RBFOX1: variants seen among roughly 807,000 people sequenced by gnomAD.
The protein encoded by RBFOX1 is RNA binding protein fox-1 homolog 1.
In RBFOX1, 8 loss-of-function variants were observed where a neutral mutation model predicts 57.7. That is an observed-to-expected ratio of 0.14 (90% CI 0.08 to 0.25). The LOEUF (loss-of-function observed/expected upper bound fraction) is 0.25, where lower values mean the gene tolerates loss of function less well. RBFOX1 is among the 10% of genes least tolerant of loss of function. The probability of loss-of-function intolerance (pLI) is 1.00; values close to 1 mark genes in which losing one functional copy is unlikely to be tolerated. For synonymous variants in RBFOX1, 326 were observed against 222.4 expected, an observed-to-expected ratio of 1.47 and a Z score of -4.15; for missense variants, 611 against 548.5, an observed-to-expected ratio of 1.11 and a Z score of -1.14.
At chr16:5,803,542 C>T (rs1026318630) in intron 3 of RBFOX1, among the ~76,000 whole-genome samples, 3 of 152,076 alleles carry the variant, frequency 2.0e-5, no homozygotes, top group Non-Finnish European at 4.4e-5. Flanking sequence ...AAATCATGAC[C>T]GTGAAGCATA....
At chr16:6,412,161 CA>C (rs199982534) in intron 2 of RBFOX1, among the ~76,000 whole-genome samples, 31 of 139,312 alleles carry the variant, frequency 2.2e-4, no homozygotes, top group East Asian at 1.3e-3. Context: ...AACAAAAAAA[CA>C]AAAAAAAACA....
At chr16:6,832,600 G>T (rs878933591) in intron 3 of RBFOX1, among the ~76,000 whole-genome samples, 3 of 152,320 alleles carry the variant, frequency 2.0e-5, no homozygotes, top group African/African-American at 4.8e-5. Flanking sequence ...GGAAAGTGAA[G>T]GTTTCTAAGT....
At chr16:6,962,267 A>G (rs138534479) in intron 3 of RBFOX1, among the ~76,000 whole-genome samples, 96 of 152,174 alleles carry the variant, frequency 6.3e-4, no homozygotes, top group African/African-American at 2.1e-3. Context: ...TTTCTCTTAC[A>G]AAAAGACTAG....
At chr16:5,996,379 G>C (rs1193357802) in intron 4 of RBFOX1, among the ~76,000 whole-genome samples, 1 of 152,050 alleles carries the variant, frequency 6.6e-6, no homozygotes, top group Non-Finnish European at 1.5e-5. Context: ...GACAAGCATT[G>C]GGTTCCCCTT....
chr16:6,447,104 C>T (rs1959814670), intron 2 of RBFOX1, among the ~76,000 whole-genome samples: 1 of 152,168 alleles, frequency 6.6e-6, no homozygotes. Flanking sequence ...CACCAGATTG[C>T]GAACTGTTAA....
intron 4 of RBFOX1, among the ~76,000 whole-genome samples, chr16:7,183,706 A>C (rs992321205): frequency 6.6e-6 from 1 of 152,204 alleles, no homozygotes; most frequent in Non-Finnish European, 1.5e-5. Flanking sequence ...GAGTTGACTC[A>C]CACTGAACAC....
intron 10 of RBFOX1, among the ~76,000 whole-genome samples, chr16:7,612,885 G>A (rs929552620): frequency 7.2e-5 from 11 of 152,092 alleles, no homozygotes; most frequent in South Asian, 2.1e-4. Flanking sequence ...TTCCATCAGC[G>A]GGACTATAAG....
At chr16:6,713,290 C>T (rs966863019) in intron 3 of RBFOX1, among the ~76,000 whole-genome samples, 103 of 151,858 alleles carry the variant, frequency 6.8e-4, no homozygotes, top group African/African-American at 2.4e-3. Flanking sequence ...GTAATAATAA[C>T]AGTCCCCCAT....
At chr16:7,578,685 A>G (rs558351252) in intron 5 of RBFOX1, among the ~76,000 whole-genome samples, 12 of 152,358 alleles carry the variant, frequency 7.9e-5, no homozygotes, top group African/African-American at 2.2e-4. Flanking sequence ...TAAATTTGAT[A>G]GGCTTCTGTG....
intron 4 of RBFOX1, among the ~76,000 whole-genome samples, chr16:5,975,072 C>G (rs985166405): frequency 6.6e-6 from 1 of 152,104 alleles, no homozygotes; most frequent in African/African-American, 2.4e-5. Context: ...AAAAGTTGGC[C>G]TCTTTTTTTA....
At chr16:6,805,057 A>G (rs1279018434) in intron 3 of RBFOX1, among the ~76,000 whole-genome samples, 1 of 152,176 alleles carries the variant, frequency 6.6e-6, no homozygotes, top group Middle Eastern at 3.2e-3. Context: ...ATGCAGAGGA[A>G]TATAAATTAT....
chr16:6,183,013 A>T (rs1202844843), intron 1 of RBFOX1, among the ~76,000 whole-genome samples: 1 of 152,116 alleles, frequency 6.6e-6, no homozygotes, highest in South Asian at 2.1e-4. Context: ...TAATTCACTG[A>T]CAAATGTTTT....
chr16:5,468,386 T>C (rs1030000974), intron 2 of RBFOX1, among the ~76,000 whole-genome samples: 6 of 152,192 alleles, frequency 3.9e-5, no homozygotes, highest in African/African-American at 1.4e-4. Flanking sequence ...GACACCAGTC[T>C]GCATTCTGTC....
chr16:6,683,019 C>T (rs1319032631), intron 3 of RBFOX1, among the ~76,000 whole-genome samples: 1 of 152,042 alleles, frequency 6.6e-6, no homozygotes, highest in African/African-American at 2.4e-5. Flanking sequence ...GTGAGGACAG[C>T]TTCTCCATCC....
chr16:6,418,598 A>G (rs1049644099), intron 2 of RBFOX1, among the ~76,000 whole-genome samples: 1 of 140,456 alleles, frequency 7.1e-6, no homozygotes, highest in African/African-American at 2.8e-5. Flanking sequence ...ATTATAGGTC[A>G]TTGCAGCCTC....
intron 4 of RBFOX1, among the ~76,000 whole-genome samples, chr16:7,419,465 G>C (rs1044609604): frequency 1.3e-5 from 2 of 152,218 alleles, no homozygotes; most frequent in South Asian, 2.1e-4. Context: ...GCACCTTTGA[G>C]GGGGCAGATT....
chr16:5,643,132 G>A (rs1198766284), intron 3 of RBFOX1, among the ~76,000 whole-genome samples: 1 of 152,152 alleles, frequency 6.6e-6, no homozygotes, highest in East Asian at 1.9e-4. Flanking sequence ...CCTCTAGGCA[G>A]ATGCTAGCAT....
At chr16:6,448,181 A>ATTTTT (rs2094525717) in intron 2 of RBFOX1, among the ~76,000 whole-genome samples, 1 of 26,282 alleles carries the variant, frequency 3.8e-5, no homozygotes, top group Non-Finnish European at 6.3e-5. Context: ...TTTTTTTGAG[A>ATTTTT]TGGAATCCTG....
intron 3 of RBFOX1, among the ~76,000 whole-genome samples, chr16:6,966,982 C>T (rs2084390594): frequency 6.6e-6 from 1 of 151,894 alleles, no homozygotes; most frequent in African/African-American, 2.4e-5. Context: ...ATTCATCCAT[C>T]ATCTACTTAT....
Sources: gnomAD v4.1 joint callset for allele counts (sites outside exome capture counted in the v4.1 genomes callset) on GRCh38, gnomAD v4.1.1 for gene constraint, MANE v1.5 for transcripts, NCBI Gene and HGNC (gene_info 2026-07-23, HGNC 2026-07-21) for gene names.